The following MAP3K9 variants were observed in gnomAD, a reference collection of about 807,000 sequenced individuals.
MAP3K9 encodes mixed lineage kinase 1 (tyr and ser/thr specificity).
Under a neutral mutation model 95.8 loss-of-function variants are expected in MAP3K9, and 46 were observed. That is an observed-to-expected ratio of 0.48 (90% confidence interval 0.38 to 0.61). The LOEUF is 0.61. MAP3K9 is among the 20% of genes least tolerant of loss of function. MAP3K9 has a pLI of 0.00. For synonymous variants in MAP3K9, 533 were observed against 593.8 expected (o/e 0.90, Z 1.49); for missense variants, 1,296 against 1,474.3 (o/e 0.88, Z 1.98).
intron 2 of MAP3K9, among the ~76,000 whole-genome samples, chr14:70,798,984 G>C (rs1478998112): frequency 6.6e-6 from 1 of 151,976 alleles, no homozygotes; most frequent in Non-Finnish European, 1.5e-5. Flanking sequence ...ATTATTAAGG[G>C]GGAAAAGAAC....
chr14:70,731,461 G>A (rs967635701), intron 11 of MAP3K9, among the ~76,000 whole-genome samples: 5 of 152,082 alleles, frequency 3.3e-5, no homozygotes, highest in Non-Finnish European at 7.4e-5. Context: ...AAGAAAAAAA[G>A]GTATACAATA....
At chr14:70,759,875 C>T (rs2054347423) in intron 3 of MAP3K9, among the ~76,000 whole-genome samples, 1 of 152,146 alleles carries the variant, frequency 6.6e-6, no homozygotes, top group African/African-American at 2.4e-5. Context: ...CCATCTCAGC[C>T]TCCCACGTAG....
At chr14:70,752,030 T>A (rs1282203023) in intron 3 of MAP3K9, among the ~76,000 whole-genome samples, 4 of 152,220 alleles carry the variant, frequency 2.6e-5, no homozygotes, top group Non-Finnish European at 4.4e-5. Flanking sequence ...TCCCACCATT[T>A]ATTCATTCAT....
chr14:70,765,624 G>A (rs185982720), intron 2 of MAP3K9: 6 of 394,578 alleles, frequency 1.5e-5, no homozygotes, highest in African/African-American at 6.2e-5. Flanking sequence ...ACATGTACAC[G>A]TTTGTAGCCT....
chr14:70,731,928 AGAGT>A (rs1042948154), intron 11 of MAP3K9, among the ~76,000 whole-genome samples: 29 of 152,192 alleles, frequency 1.9e-4, no homozygotes, highest in Non-Finnish European at 3.1e-4. Flanking sequence ...GTGACAGGAA[AGAGT>A]GTGTGTCCCC....
chr14:70,765,950 C>T lies in MAP3K9; in HGVS notation c.821-4768G>A, dbSNP rs957092123. Among the ~76,000 whole-genome samples the T allele has an allele frequency of 4.6e-5, 7 of 151,840 alleles. No individual in the cohort carries two copies. In the South Asian group the frequency reaches 1.0e-3, roughly 23 times the overall value. ...GTGTGACTGTACCGAGAAGAACTAA[C>T]GAGTCTAGGCGTAAGTCAATGGGGG... On this transcript the variant is annotated intron_variant, in intron 2 of 11. Transcript: ENST00000554752.
At chr14:70,786,070 G>A (rs55912635) in intron 2 of MAP3K9, among the ~76,000 whole-genome samples, 42,928 of 151,826 alleles carry the variant, frequency 0.28, 6,332 homozygotes, top group South Asian at 0.4. Context: ...GATAATATCA[G>A]GTTACACTAA....
At chr14:70,771,035 G>C (rs1241082074) in intron 2 of MAP3K9, among the ~76,000 whole-genome samples, 1 of 151,202 alleles carries the variant, frequency 6.6e-6, no homozygotes, top group Non-Finnish European at 1.5e-5. Context: ...GAGATTCTGT[G>C]ATATAAAGGG....
At chr14:70,786,368 A>G (rs1225392442) in intron 2 of MAP3K9, among the ~76,000 whole-genome samples, 2 of 152,202 alleles carry the variant, frequency 1.3e-5, no homozygotes, top group African/African-American at 4.8e-5. Context: ...GGGGATTCCT[A>G]TCTCTAAGCA....
At chr14:70,794,182 T>TAA (rs2054837021) in intron 2 of MAP3K9, among the ~76,000 whole-genome samples, 2 of 152,166 alleles carry the variant, frequency 1.3e-5, no homozygotes, top group Non-Finnish European at 2.9e-5. Flanking sequence ...AAAGTGCCTC[T>TAA]AGAAGAAGAG....
At chr14:70,784,759 G>A (rs116545150) in intron 2 of MAP3K9, among the ~76,000 whole-genome samples, 4 of 152,300 alleles carry the variant, frequency 2.6e-5, no homozygotes, top group African/African-American at 9.6e-5. Flanking sequence ...GATGGCTGAG[G>A]TTCAAATTGT....
At position 70,725,401 on chromosome 14, in the gene MAP3K9, T is replaced by C. The variant is rs978952628; in HGVS notation, c.*4979A>G. On this transcript the variant is annotated 3_prime_UTR_variant, in exon 12 of 12. Transcript: ENST00000554752. ...GTCTGAGAGGAAGTCCATAAGAGACTCACCTGGCCTGCACGGCTAACCATA... is the reference window on the plus strand; with the variant it reads ...GTCTGAGAGGAAGTCCATAAGAGACCCACCTGGCCTGCACGGCTAACCATA... The C allele has an allele frequency of 2.6e-5, 4 of 152,174 alleles. No homozygotes were observed. The highest frequency in any genetic ancestry group is 5.9e-5 in the Non-Finnish European group (4 of 68,026). 9.4% of individuals were successfully genotyped at this position (152,174 alleles called of 1,614,324 possible).
intron 3 of MAP3K9, among the ~76,000 whole-genome samples, chr14:70,750,718 C>T (rs2054214113): frequency 6.6e-6 from 1 of 152,150 alleles, no homozygotes; most frequent in Non-Finnish European, 1.5e-5. Flanking sequence ...AACTCCTGAC[C>T]TCCTGTGATC....
At position 70,723,523 on chromosome 14, in the gene MAP3K9, G is replaced by A. The variant is rs1274631311; in HGVS notation, c.*6857C>T. ...GGCAAAGGGCAATCTCAAAACCTCG[G>A]TGGACCTGAGCTAGGCCAACTTTAT... is the stretch of plus-strand genomic sequence containing the variant. On this transcript the variant is annotated 3_prime_UTR_variant, in exon 12 of 12. Transcript: ENST00000554752. 6.6e-6 allele frequency: 1 copy of A among 152,228 alleles called. No homozygotes were observed. Among genetic ancestry groups the A allele is most frequent in the Admixed American group, 6.5e-5 (1 of 15,282 alleles). 9.4% of individuals were successfully genotyped at this position (152,228 alleles called of 1,614,324 possible).
rs2054932696 is a variant in MAP3K9 at position 70,801,730 on chromosome 14, G to C, written c.407-650C>G. ...CCCACAGCAGCACAGAGCACTAAGG[G>C]GGTGAGTGGGGAAAGGATTCTCAGG... On this transcript the variant is annotated intron_variant, in intron 1 of 11. Transcript: ENST00000554752. Among the ~76,000 whole-genome samples, 3 of 152,200 alleles carry C rather than the reference G, an allele frequency of 2.0e-5. 1 individual carries two copies. Among genetic ancestry groups the C allele is most frequent in the South Asian group, 4.1e-4 (2 of 4,828 alleles).
At position 70,725,071 on chromosome 14, in the gene MAP3K9, C is replaced by G. The variant is rs2053801754; in HGVS notation, c.*5309G>C. ...AGGCAGGTCTGTTTCCAAGGGTTAA[C>G]AAAGAGAGGTGTGGAAAAGCTCAGC... On this transcript the variant is annotated 3_prime_UTR_variant, in exon 12 of 12. Coordinates refer to ENST00000554752, the MANE Select transcript of MAP3K9 (RefSeq NM_001284230.2). 1 of 152,328 alleles carries G rather than the reference C, an allele frequency of 6.6e-6. No individual in the cohort carries two copies. Among genetic ancestry groups the G allele is most frequent in the South Asian group, 2.1e-4 (1 of 4,824 alleles). The allele number at this position is 152,328 out of a possible 1,614,324, so 9.4% of individuals were successfully genotyped here.
chr14:70,769,294 T>C (rs899727100), intron 2 of MAP3K9, among the ~76,000 whole-genome samples: 6 of 152,222 alleles, frequency 3.9e-5, no homozygotes, highest in African/African-American at 1.4e-4. Context: ...CCGGTCCCTT[T>C]AGAAGTTCCA....
At chr14:70,770,373 G>A (rs1465041899) in intron 2 of MAP3K9, among the ~76,000 whole-genome samples, 2 of 151,558 alleles carry the variant, frequency 1.3e-5, no homozygotes, top group East Asian at 1.9e-4. Flanking sequence ...TAGTAGAGAC[G>A]GGGTTTTACC....
Position 70,722,600 on chromosome 14 carries a change from G to GT in MAP3K9, c.*7779dup, listed in dbSNP as rs1034197975. 6.6e-6 allele frequency: 1 copy of GT among 151,502 alleles called. No individual in the cohort carries two copies. Among genetic ancestry groups the GT allele is most frequent in the Non-Finnish European group, 1.5e-5 (1 of 67,964 alleles). 9.4% of individuals were successfully genotyped at this position (151,502 alleles called of 1,614,324 possible). On this transcript the variant is annotated 3_prime_UTR_variant, in exon 12 of 12. Transcript: ENST00000554752. The stretch of plus-strand genomic sequence containing the variant: ...ACCAGGCTGAGATCAGCATTACACT[G>GT]TAATACAATAAGAGGTTTAGCCATT...
Sources: allele counts gnomAD v4.1 joint callset (sites outside exome capture counted in the v4.1 genomes callset), GRCh38; gene constraint gnomAD v4.1.1; transcripts MANE v1.5; gene names NCBI Gene and HGNC (gene_info 2026-07-23, HGNC 2026-07-21).